Variants in UBE4B observed in about 807,000 individuals in gnomAD.
UBE4B encodes ubiquitination factor E4B, also known as ubiquitin conjugation factor E4 B.
In UBE4B, 27 loss-of-function variants were observed where a neutral mutation model predicts 148.1. That is an observed-to-expected ratio of 0.18 (90% CI 0.13 to 0.25). The LOEUF (loss-of-function observed/expected upper bound fraction) is 0.25. UBE4B is among the 10% of genes least tolerant of loss of function. The pLI is 1.00. For synonymous variants in UBE4B, 596 were observed against 619.3 expected (o/e 0.96, Z 0.56); for missense variants, 1,170 against 1,662.4 (o/e 0.70, Z 5.15).
chr1:10,149,033 G>T, intron 19 of UBE4B, 151 bp from the exon 20 acceptor site: 1 of 525,246 alleles, frequency 1.9e-6, no homozygotes, highest in Non-Finnish European at 3.3e-6. Flanking sequence ...ATTTCTGGTT[G>T]TAGTTTCTTT....
intron 3 of UBE4B, 151 bp from the exon 4 acceptor site, chr1:10,100,957 C>T: frequency 1.6e-6 from 1 of 642,450 alleles, no homozygotes; most frequent in East Asian, 2.8e-5. Context: ...TTATGAAGAA[C>T]TCTTAAAAAT....
intron 25 of UBE4B, among the ~76,000 whole-genome samples, chr1:10,173,666 C>A (rs1646371771): frequency 6.6e-6 from 1 of 152,138 alleles, no homozygotes; most frequent in Non-Finnish European, 1.5e-5. Context: ...CTGGCGTCTC[C>A]AGCCCAGCCA....
chr1:10,105,491 G>T (rs1166530435), intron 5 of UBE4B, 25 bp from the exon 6 acceptor site: 7 of 1,609,858 alleles, frequency 4.3e-6, no homozygotes, highest in Non-Finnish European at 6.0e-6. Context: ...TGTGTAACCT[G>T]TTCTTTGTTC....
chr1:10,081,963 C>G (rs577860460), intron 2 of UBE4B, among the ~76,000 whole-genome samples: 1 of 152,312 alleles, frequency 6.6e-6, no homozygotes, highest in African/African-American at 2.4e-5. Flanking sequence ...GATCTTCCCA[C>G]CTTGGCCTCC....
At chr1:10,148,829 A>G (rs758632886) in intron 19 of UBE4B, among the ~76,000 whole-genome samples, 3 of 151,890 alleles carry the variant, frequency 2.0e-5, no homozygotes, top group Non-Finnish European at 4.4e-5. Context: ...AATCTCAGCT[A>G]TTCGGGAGGC....
At chr1:10,128,837 T>C (rs1158011810) in intron 11 of UBE4B, 1 of 152,464 alleles carries the variant, frequency 6.6e-6, no homozygotes, top group Non-Finnish European at 1.5e-5. Context: ...AAAGTGTTTT[T>C]CATCGTTCTC....
chr1:10,095,355 A>G (rs1570877608), intron 2 of UBE4B, 106 bp from the exon 3 acceptor site: 19 of 1,370,790 alleles, frequency 1.4e-5, no homozygotes, highest in Middle Eastern at 1.9e-4. Context: ...GGTTGCTGCA[A>G]TGTCATGATG....
intron 7 of UBE4B, among the ~76,000 whole-genome samples, chr1:10,113,801 T>A (rs1645260559): frequency 6.6e-6 from 1 of 152,118 alleles, no homozygotes; most frequent in African/African-American, 2.4e-5. Flanking sequence ...ACGCAGTGGC[T>A]CACGCCTGTA....
chr1:10,114,559 G>A (rs887112938), intron 7 of UBE4B, among the ~76,000 whole-genome samples: 3 of 151,914 alleles, frequency 2.0e-5, no homozygotes, highest in Admixed American at 6.6e-5. Flanking sequence ...CAAAAAATTA[G>A]TTGCTATAAA....
At chr1:10,178,540 T>G (rs2102047730) in intron 25 of UBE4B, 104 bp from the exon 26 acceptor site, 2 of 1,217,276 alleles carry the variant, frequency 1.6e-6, no homozygotes, top group African/African-American at 3.1e-5. Flanking sequence ...GCTTTTTTAG[T>G]GGGGGAAAAT....
intron 2 of UBE4B, among the ~76,000 whole-genome samples, chr1:10,082,161 T>C (rs904283054): frequency 6.6e-6 from 1 of 152,126 alleles, no homozygotes; most frequent in Non-Finnish European, 1.5e-5. Flanking sequence ...ATGCAGTAGG[T>C]TCTGTTGTAG....
chr1:10,100,090 G>C (rs780838093), intron 3 of UBE4B, among the ~76,000 whole-genome samples: 5 of 151,870 alleles, frequency 3.3e-5, no homozygotes, highest in Admixed American at 6.6e-5. Context: ...CCCGGGTTCA[G>C]GCCATTCTCC....
At chr1:10,169,265 C>G (rs1434956547) in intron 24 of UBE4B, among the ~76,000 whole-genome samples, 1 of 152,162 alleles carries the variant, frequency 6.6e-6, no homozygotes, top group East Asian at 1.9e-4. Flanking sequence ...AGCCATTTGC[C>G]TATGTGGAGA....
At chr1:10,156,284 C>T (rs1261644874) in intron 21 of UBE4B, among the ~76,000 whole-genome samples, 1 of 147,902 alleles carries the variant, frequency 6.8e-6, no homozygotes, top group African/African-American at 2.5e-5. Flanking sequence ...CTGTCACCCA[C>T]GCTAGAGTGT....
At chr1:10,036,471 A>G (rs1486442844) in intron 1 of UBE4B, among the ~76,000 whole-genome samples, 1 of 151,958 alleles carries the variant, frequency 6.6e-6, no homozygotes, top group Non-Finnish European at 1.5e-5. Context: ...CCTAGAACAA[A>G]TAATATTCGT....
intron 4 of UBE4B, among the ~76,000 whole-genome samples, chr1:10,101,638 A>G (rs1283342697): frequency 6.7e-6 from 1 of 150,274 alleles, no homozygotes; most frequent in Non-Finnish European, 1.5e-5. Context: ...CTTCCCAAGT[A>G]GCTGGGACTA....
intron 21 of UBE4B, 52 bp from the exon 22 acceptor site, chr1:10,158,304 T>G: frequency 6.3e-7 from 1 of 1,591,820 alleles, no homozygotes; most frequent in East Asian, 2.2e-5. Context: ...ATAACTGGAT[T>G]TGGAAAGCAA....
chr1:10,040,685 T>C (rs995177762), intron 1 of UBE4B, among the ~76,000 whole-genome samples: 1 of 151,704 alleles, frequency 6.6e-6, no homozygotes, highest in Non-Finnish European at 1.5e-5. Context: ...TGGCGCGATC[T>C]CAGCTCGCTG....
chr1:10,069,354 AGGCACTG>A (rs1644445368), intron 1 of UBE4B, among the ~76,000 whole-genome samples: 2 of 152,212 alleles, frequency 1.3e-5, no homozygotes, highest in African/African-American at 4.8e-5. Flanking sequence ...ACACTGTTCT[AGGCACTG>A]GTGCAACGGA....
Sources: gnomAD v4.1 joint callset for allele counts (sites outside exome capture counted in the v4.1 genomes callset) on GRCh38, gnomAD v4.1.1 for gene constraint, MANE v1.5 for transcripts, NCBI Gene and HGNC (gene_info 2026-07-23, HGNC 2026-07-21) for gene names.